The following VPS33A variants were observed in gnomAD, a reference collection of about 807,000 sequenced individuals.
The protein encoded by VPS33A is VPS33A core subunit of CORVET and HOPS complexes, also known as vacuolar protein sorting-associated protein 33A.
Under a neutral mutation model 71.8 loss-of-function variants are expected in VPS33A, and 32 were observed. That is an observed-to-expected ratio of 0.45 (90% CI 0.34 to 0.60). VPS33A has a LOEUF of 0.60. VPS33A is among the 20% of genes least tolerant of loss of function. VPS33A has a pLI of 0.02. For missense variants in VPS33A, 625 were observed against 748.5 expected (o/e 0.84, Z 1.92); for synonymous variants, 311 against 292.7 (o/e 1.06, Z -0.64).
Position 122,250,207 on chromosome 12 carries a change from C to T in VPS33A, c.601-162G>A, listed in dbSNP as rs73421739. 10,708 of 711,866 alleles carry T rather than the reference C, an allele frequency of 0.015. 245 individuals carry two copies. The highest frequency in any genetic ancestry group is 0.065 in the African/African-American group (3,641 of 55,674). 44.1% of individuals were successfully genotyped at this position (711,866 alleles called of 1,614,324 possible). A position where few individuals can be genotyped will look rare whatever the true frequency, so the allele number is the denominator to read the frequency against. ...CTCTAGAAAAGCACCTTGCTGTTGGCACCCATCCCGACACTTGCACCAAGG... is the reference window on the plus strand; with the variant it reads ...CTCTAGAAAAGCACCTTGCTGTTGGTACCCATCCCGACACTTGCACCAAGG... On this transcript the variant is annotated intron_variant, in intron 5 of 12. Coordinates refer to ENST00000267199, the MANE Select transcript of VPS33A (RefSeq NM_022916.6).
intron 6 of VPS33A, among the ~76,000 whole-genome samples, chr12:122,247,814 C>T (rs1024393525): frequency 6.6e-6 from 1 of 152,114 alleles, no homozygotes; most frequent in African/African-American, 2.4e-5. Context: ...TCCTGGCAAC[C>T]ACGAGTCCGT....
intron 3 of VPS33A, 152 bp downstream of exon 3, chr12:122,263,420 T>C (rs1216175766): frequency 7.1e-6 from 6 of 846,738 alleles, no homozygotes; most frequent in Non-Finnish European, 9.9e-6. Flanking sequence ...CCAGCCCCCA[T>C]CTTCTCTTTT....
At chr12:122,234,643 C>T (rs1954605863) in intron 11 of VPS33A, among the ~76,000 whole-genome samples, 1 of 152,192 alleles carries the variant, frequency 6.6e-6, no homozygotes, top group African/African-American at 2.4e-5. Flanking sequence ...CCTCTAGACA[C>T]TCTCCACCCT....
intron 4 of VPS33A, among the ~76,000 whole-genome samples, chr12:122,257,376 G>A (rs146089352): frequency 1.4e-4 from 20 of 145,448 alleles, no homozygotes; most frequent in Non-Finnish European, 2.2e-4. Flanking sequence ...GCAGTGAGTC[G>A]AGACTGTGCC....
At chr12:122,260,841 G>T (rs1954983599) in intron 4 of VPS33A, among the ~76,000 whole-genome samples, 1 of 152,128 alleles carries the variant, frequency 6.6e-6, no homozygotes, top group African/African-American at 2.4e-5. Context: ...TAAGCATAGT[G>T]GCGCACACTT....
chr12:122,266,291 G>T lies in VPS33A; in HGVS notation c.102+16C>A. On this transcript the variant is annotated intron_variant, in intron 1 of 12. Coordinates refer to ENST00000267199, the MANE Select transcript of VPS33A (RefSeq NM_022916.6). ...CAGGGGAGGCGAGGGCGGTGTCGCT[G>T]CCTCCCGCCCCTCACCTTGCTTCCT... The T allele has an allele frequency of 6.2e-7, 1 of 1,607,258 alleles. No homozygotes were observed. The highest frequency in any genetic ancestry group is 8.5e-7 in the Non-Finnish European group (1 of 1,179,146).
At chr12:122,249,025 A>T (rs928304184) in intron 6 of VPS33A, 3 of 151,852 alleles carry the variant, frequency 2.0e-5, no homozygotes, top group Admixed American at 6.6e-5. Flanking sequence ...CTAAAAACTG[A>T]CCCTTTGGAG....
At chr12:122,239,352 A>G (rs1954677531) in intron 9 of VPS33A, among the ~76,000 whole-genome samples, 1 of 152,226 alleles carries the variant, frequency 6.6e-6, no homozygotes, top group African/African-American at 2.4e-5. Flanking sequence ...TCATGTTGCC[A>G]TGTATGGCAG....
chr12:122,249,431 G>T (rs1954816478), intron 6 of VPS33A: 1 of 152,392 alleles, frequency 6.6e-6, no homozygotes, highest in Admixed American at 6.6e-5. Flanking sequence ...CACCATGTTT[G>T]CCAGACTGGT....
At chr12:122,253,745 T>G (rs780547903) in intron 4 of VPS33A, among the ~76,000 whole-genome samples, 3 of 152,078 alleles carry the variant, frequency 2.0e-5, no homozygotes, top group Non-Finnish European at 4.4e-5. Context: ...TCACCCAGGC[T>G]GGAGTGCAGT....
Position 122,261,303 on chromosome 12 carries a change from G to A in VPS33A, c.441C>T (p.Phe147=), listed in dbSNP as rs767650292. ...ATTCCATGGATAAGAGATCCCCATC[G>A]AATGGAATGAGATCTAAGCTGTACT... ...REEYSLDLIP[F]DGDLLSMESE... Residue 147 remains phenylalanine (F), a synonymous_variant, in exon 4 of 13, where the codon TTC becomes TTT. Coordinates refer to ENST00000267199, the MANE Select transcript of VPS33A (RefSeq NM_022916.6). 5.6e-6 allele frequency: 9 copies of A among 1,611,272 alleles called. No individual in the cohort carries two copies. Among genetic ancestry groups the A allele is most frequent in the Middle Eastern group, 3.3e-4 (2 of 6,058 alleles).
chr12:122,235,098 C>G (rs369310373), intron 11 of VPS33A, among the ~76,000 whole-genome samples: 19 of 151,862 alleles, frequency 1.3e-4, no homozygotes, highest in African/African-American at 4.1e-4. Flanking sequence ...CTAACCACAG[C>G]CCCTCGGACT....
intron 4 of VPS33A, among the ~76,000 whole-genome samples, chr12:122,256,042 C>T (rs1215130231): frequency 1.3e-5 from 2 of 152,094 alleles, no homozygotes; most frequent in East Asian, 3.9e-4. Context: ...GTGATCCTCC[C>T]ACCTTGGTCT....
intron 3 of VPS33A, 21 bp from the exon 4 acceptor site, chr12:122,261,468 GT>G: frequency 6.2e-7 from 1 of 1,611,610 alleles, no homozygotes; most frequent in Non-Finnish European, 8.5e-7. Context: ...AGCAACATTT[GT>G]TAGCTTATGA....
Position 122,266,355 on chromosome 12 carries a change from C to G in VPS33A, c.54G>C (p.Ala18=). The part of the protein sequence containing the change: ...GRVNLNVLRE[A]VRRELREFLD... ...GGAACTCGCGCAGCTCGCGACGCAC[C>G]GCCTCGCGCAACACGTTTAGGTTCA... The change falls in exon 1 of 13, where the codon GCG becomes GCC. Residue 18 remains alanine, a synonymous_variant. Transcript: ENST00000267199. 1 of 1,613,608 alleles carries G rather than the reference C, an allele frequency of 6.2e-7. No individual in the cohort carries two copies. Among genetic ancestry groups the G allele is most frequent in the Non-Finnish European group, 8.5e-7 (1 of 1,179,976 alleles).
At chr12:122,244,031 C>T (rs1214743398) in intron 7 of VPS33A, among the ~76,000 whole-genome samples, 1 of 152,104 alleles carries the variant, frequency 6.6e-6, no homozygotes, top group Non-Finnish European at 1.5e-5. Flanking sequence ...TCCCATGTTT[C>T]AAAAAGGAGC....
At chr12:122,266,163 G>A (rs1163775700) in intron 1 of VPS33A, 144 bp downstream of exon 1, 2 of 1,221,700 alleles carry the variant, frequency 1.6e-6, no homozygotes, top group African/African-American at 1.5e-5. Context: ...TCCTGCACAG[G>A]GGTGCAGGTA....
intron 7 of VPS33A, among the ~76,000 whole-genome samples, chr12:122,243,937 A>G (rs940591495): frequency 3.3e-5 from 5 of 152,158 alleles, no homozygotes; most frequent in African/African-American, 1.2e-4. Context: ...CTAGAACTAC[A>G]TACTCAGTGA....
At position 122,266,362 on chromosome 12, in the gene VPS33A, C is replaced by G; in HGVS notation, c.47G>C (p.Arg16Pro). 6.2e-7 allele frequency: 1 copy of G among 1,613,640 alleles called. No individual in the cohort carries two copies. The highest frequency in any genetic ancestry group is 8.5e-7 in the Non-Finnish European group (1 of 1,179,960). Residue 16 changes from arginine (R) to proline (P), a missense_variant, in exon 1 of 13, where the codon CGC becomes CCC. By Grantham distance (103) the Arg-to-Pro change is moderately radical. Coordinates refer to ENST00000267199, the MANE Select transcript of VPS33A (RefSeq NM_022916.6). ...GCGCAGCTCGCGACGCACCGCCTCG[C>G]GCAACACGTTTAGGTTCACTCGGCC... ...SYGRVNLNVL[R>P]EAVRRELREF...
Sources: allele counts gnomAD v4.1 joint callset (sites outside exome capture counted in the v4.1 genomes callset), GRCh38; gene constraint gnomAD v4.1.1; transcripts MANE v1.5; gene names NCBI Gene and HGNC (gene_info 2026-07-23, HGNC 2026-07-21).